SCARF1: variants seen among roughly 807,000 people sequenced by gnomAD.
The protein encoded by SCARF1 is acetyl LDL receptor.
SCARF1 carries 49 observed loss-of-function variants against 76.3 expected under a neutral mutation model. That is an observed-to-expected ratio of 0.64 (90% CI 0.51 to 0.81). The LOEUF is 0.81. SCARF1 is among the 40% of genes least tolerant of loss of function. The pLI is 0.00. For missense variants in SCARF1, 1,098 were observed against 1,143.9 expected, an observed-to-expected ratio of 0.96 and a Z score of 0.58; for synonymous variants, 495 against 474.6, an observed-to-expected ratio of 1.04 and a Z score of -0.56.
chr17:1,643,534 G>A lies in SCARF1; in HGVS notation c.699C>T (p.Ala233=), dbSNP rs1250162450. ...CGGGCGGGCAGGTGCACTCGCCGGA[G>A]GCGGCGCTGCAGCGGCCCCGCACAC... ...CECVRGRCSA[A]SGECTCPPGF... is the part of the protein sequence containing the mutation. Residue 233 remains alanine (A), a synonymous_variant, in exon 4 of 11, where the codon GCC becomes GCT. Coordinates refer to ENST00000263071, the MANE Select transcript of SCARF1 (RefSeq NM_003693.4). 2 of 1,408,818 alleles carry A rather than the reference G, an allele frequency of 1.4e-6. No individual in the cohort carries two copies. Among genetic ancestry groups the A allele is most frequent in the African/African-American group, 1.5e-5 (1 of 66,562 alleles). 87.3% of individuals were successfully genotyped at this position (1,408,818 alleles called of 1,614,324 possible).
At chr17:1,637,869 C>A (rs1019570869) in intron 8 of SCARF1, among the ~76,000 whole-genome samples, 3 of 152,208 alleles carry the variant, frequency 2.0e-5, no homozygotes, top group African/African-American at 7.2e-5. Flanking sequence ...CTTCACTGTT[C>A]CTCCAACAGC....
At position 1,640,442 on chromosome 17, in the gene SCARF1, C is replaced by T. The variant is rs1909952691; in HGVS notation, c.1010+6G>A. On this transcript the variant is annotated splice_donor_region_variant and intron_variant, in intron 5 of 10. Transcript: ENST00000263071. This position sits in a 1 kb window ranked among gnomAD's most constrained non-coding sequence, Gnocchi z 4.7. ...TACCCCACCCTGAACAGAATGGTGC[C>T]CTCACCTGGGCCCCAGCCAGCCAGG... 1 of 1,550,068 alleles carries T rather than the reference C, an allele frequency of 6.5e-7. No individual in the cohort carries two copies. The highest frequency in any genetic ancestry group is 1.4e-5 in the African/African-American group (1 of 73,152).
Position 1,634,827 on chromosome 17 carries a change from A to C in SCARF1, c.2424T>G (p.Ala808=). 6.2e-7 allele frequency: 1 copy of C among 1,613,178 alleles called. No homozygotes were observed. The part of the protein sequence containing the change: ...GSPEQDPQKQ[A]EEERQEEPEY... ...CAGGTTCCTCCTGCCTTTCCTCTTCAGCCTGCTTCTGGGGATCCTGTTCTG... is the reference window on the plus strand; with the variant it reads ...CAGGTTCCTCCTGCCTTTCCTCTTCCGCCTGCTTCTGGGGATCCTGTTCTG... The change falls in exon 11 of 11, where the codon GCT becomes GCG. Residue 808 remains alanine, a synonymous_variant. Coordinates refer to ENST00000263071, the MANE Select transcript of SCARF1 (RefSeq NM_003693.4).
At chr17:1,639,797 G>A in intron 6 of SCARF1, 55 bp from the exon 7 acceptor site, 1 of 1,604,968 alleles carries the variant, frequency 6.2e-7, no homozygotes, top group Non-Finnish European at 8.5e-7. Flanking sequence ...GGGGAGGCAG[G>A]CAGGAGACGG....
rs1019863658 is a variant in SCARF1, at chr17:1,645,104, G to A, written c.163+74C>T. The A allele has an allele frequency of 1.3e-6, 2 of 1,593,912 alleles. No homozygotes were observed. Among genetic ancestry groups the A allele is most frequent in the Non-Finnish European group, 1.7e-6 (2 of 1,164,342 alleles). On this transcript the variant is annotated intron_variant, in intron 2 of 10. Transcript: ENST00000263071. The surrounding 1 kb of genome is among the most constrained non-coding windows in gnomAD (Gnocchi z 6.3). Reference sequence around the variant, plus strand: ...GGTATCAGGAGGGGCAGGCCCCATGGGGTAGGAAGGAAGGGTTGTCACTGG... The same window carrying A: ...GGTATCAGGAGGGGCAGGCCCCATGAGGTAGGAAGGAAGGGTTGTCACTGG...
Position 1,635,409 on chromosome 17 carries a change from T to C in SCARF1, c.1842A>G (p.Arg614=). ...CCCCCCGGGAGAGCCTCTTGGGCTT[T>C]CGGAGCGGGCTGGAGAGCTCCCCTG... ...RSSGELSSPL[R]KPKRLSRGAQ... is the part of the protein sequence containing the mutation. Residue 614 remains arginine (R), a synonymous_variant, in exon 11 of 11, where the codon CGA becomes CGG. Coordinates refer to ENST00000263071, the MANE Select transcript of SCARF1 (RefSeq NM_003693.4). 1 of 1,613,934 alleles carries C rather than the reference T, an allele frequency of 6.2e-7. No individual in the cohort carries two copies.
chr17:1,640,265 G>A lies in SCARF1; in HGVS notation c.1010+183C>T, dbSNP rs367696067. The stretch of plus-strand genomic sequence containing the variant: ...GAGGGCAGGAAGCCTCAGAGGGGAG[G>A]GAGCTGGGATCCTGCCCAGGCCCCC... On this transcript the variant is annotated intron_variant, in intron 5 of 10. Transcript: ENST00000263071. The surrounding 1 kb of genome is among the most constrained non-coding windows in gnomAD (Gnocchi z 4.7). 252 of 757,648 alleles carry A rather than the reference G, an allele frequency of 3.3e-4. 1 individual carries two copies. In the East Asian group the frequency reaches 4.8e-3, roughly 15 times the overall value. 46.9% of individuals were successfully genotyped at this position (757,648 alleles called of 1,614,324 possible).
intron 4 of SCARF1, among the ~76,000 whole-genome samples, chr17:1,641,806 C>T (rs1396072908): frequency 6.6e-6 from 1 of 152,212 alleles, no homozygotes; most frequent in Admixed American, 6.5e-5. Flanking sequence ...ACTGCAACCT[C>T]CGCCTCCCGG....
Position 1,640,751 on chromosome 17 carries a change from C to T in SCARF1, c.792-85G>A, listed in dbSNP as rs1909985380. On this transcript the variant is annotated intron_variant, in intron 4 of 10. Coordinates refer to ENST00000263071, the MANE Select transcript of SCARF1 (RefSeq NM_003693.4). This position sits in a 1 kb window ranked among gnomAD's most constrained non-coding sequence, Gnocchi z 4.7. ...TCCTACCCCTGTACTCCACGCAGGC[C>T]TTCGGGGGCCCTGGAGAGTGTTCGG... The T allele has an allele frequency of 1.5e-6, 2 of 1,304,148 alleles. No homozygotes were observed. Among genetic ancestry groups the T allele is most frequent in the Admixed American group, 2.0e-5 (1 of 50,200 alleles). The allele number at this position is 1,304,148 out of a possible 1,614,324, so 80.8% of individuals were successfully genotyped here.
chr17:1,645,428 G>T lies in SCARF1; in HGVS notation c.101+169C>A. ...CCTGACCCTTCCACCATCTGCCCTG[G>T]CTGGCCACTACCTGCCAGACCGCCA... On this transcript the variant is annotated intron_variant, in intron 1 of 10. Coordinates refer to ENST00000263071, the MANE Select transcript of SCARF1 (RefSeq NM_003693.4). This position sits in a 1 kb window ranked among gnomAD's most constrained non-coding sequence, Gnocchi z 6.3. 1 of 1,474,512 alleles carries T rather than the reference G, an allele frequency of 6.8e-7. No individual in the cohort carries two copies. Among genetic ancestry groups the T allele is most frequent in the Admixed American group, 2.2e-5 (1 of 46,364 alleles). 91.3% of individuals were successfully genotyped at this position (1,474,512 alleles called of 1,614,324 possible).
At position 1,639,639 on chromosome 17, in the gene SCARF1, C is replaced by G. The variant is rs1318900532; in HGVS notation, c.1243G>C (p.Gly415Arg). The change falls in exon 7 of 11, where the codon GGC (glycine) becomes CGC (arginine). Residue 415 changes from glycine (G) to arginine (R), a missense_variant and splice_region_variant. Coordinates refer to ENST00000263071, the MANE Select transcript of SCARF1 (RefSeq NM_003693.4). ...CHPVSGSCQP[G>R]SGSRDTALIA... ...ACCCCGCAGCCTTCTTCCACCTTAC[C>G]TGGCTGGCAGGACCCAGAGACAGGG... 2 of 1,560,572 alleles carry G rather than the reference C, an allele frequency of 1.3e-6. No individual in the cohort carries two copies. Among genetic ancestry groups the G allele is most frequent in the East Asian group, 2.4e-5 (1 of 42,514 alleles).
In SCARF1 at chr17:1,635,276, C is replaced by G. The variant is rs1336023034; in HGVS notation, c.1975G>C (p.Gly659Arg). The G allele has an allele frequency of 1.2e-6, 2 of 1,611,944 alleles. No homozygotes were observed. The highest frequency in any genetic ancestry group is 2.7e-5 in the African/African-American group (2 of 74,924). The change falls in exon 11 of 11, where the codon GGC becomes CGC. Residue 659 changes from glycine (G) to arginine (R), a missense_variant. Transcript: ENST00000263071. ...AAASPGDSAT[G>R]HRRPPLGGRT... The stretch of plus-strand genomic sequence containing the variant: ...CCACCAAGTGGGGGCCGCCGGTGGC[C>G]AGTGGCTGAATCCCCGGGACTGGCA...
Position 1,640,137 on chromosome 17 carries a change from A to G in SCARF1, c.1011-97T>C. 1 of 1,440,180 alleles carries G rather than the reference A, an allele frequency of 6.9e-7. No individual in the cohort carries two copies. Among genetic ancestry groups the G allele is most frequent in the South Asian group, 1.3e-5 (1 of 78,018 alleles). 89.2% of individuals were successfully genotyped at this position (1,440,180 alleles called of 1,614,324 possible). A position where few individuals can be genotyped will look rare whatever the true frequency, so the allele number is the denominator to read the frequency against. On this transcript the variant is annotated intron_variant, in intron 5 of 10. Coordinates refer to ENST00000263071, the MANE Select transcript of SCARF1 (RefSeq NM_003693.4). The surrounding 1 kb of genome is among the most constrained non-coding windows in gnomAD (Gnocchi z 4.7). Reference sequence around the variant, plus strand: ...CCGCCCCACGCTCCTGGACTCAAGGACCCAACTGGCCACTCCTCAGCAGTG... The same window carrying G: ...CCGCCCCACGCTCCTGGACTCAAGGGCCCAACTGGCCACTCCTCAGCAGTG...
intron 8 of SCARF1, among the ~76,000 whole-genome samples, chr17:1,637,896 G>A (rs1032372179): frequency 6.6e-6 from 1 of 152,178 alleles, no homozygotes; most frequent in African/African-American, 2.4e-5. Flanking sequence ...ACCTGTCCTC[G>A]TGTCCCTGCG....
intron 6 of SCARF1, 84 bp downstream of exon 6, chr17:1,639,828 T>C (rs1909884553): frequency 3.7e-6 from 6 of 1,608,232 alleles, no homozygotes; most frequent in East Asian, 4.5e-5. Flanking sequence ...TTCTGGGCAC[T>C]GTCCAGGGAA....
Position 1,643,673 on chromosome 17 carries a change from C to T in SCARF1, c.560G>A (p.Gly187Glu). ...GACVCKPGWW[G>E]RRCSFRCNCH... ...GTTGCAGCGGAAGCTGCAGCGGCGCCCCCACCAGCCCGGCTTGCACACGCA... is the reference window on the plus strand; with the variant it reads ...GTTGCAGCGGAAGCTGCAGCGGCGCTCCCACCAGCCCGGCTTGCACACGCA... Residue 187 changes from glycine to glutamate, a missense_variant, in exon 4 of 11, where the codon GGG (glycine) becomes GAG (glutamate). By Grantham distance (98) the Gly-to-Glu change is moderately conservative. Transcript: ENST00000263071. 1 of 1,464,808 alleles carries T rather than the reference C, an allele frequency of 6.8e-7. No individual in the cohort carries two copies. The highest frequency in any genetic ancestry group is 2.5e-5 in the Admixed American group (1 of 40,342). The allele number at this position is 1,464,808 out of a possible 1,614,324, so 90.7% of individuals were successfully genotyped here. A position where few individuals can be genotyped will look rare whatever the true frequency, so the allele number is the denominator to read the frequency against.
In SCARF1 at chr17:1,635,034, T is replaced by C. The variant is rs1455687725; in HGVS notation, c.2217A>G (p.Lys739=). Residue 739 remains lysine, a synonymous_variant, in exon 11 of 11, where the codon AAA becomes AAG. Transcript: ENST00000263071. ...PKPPRQALNR[K]KGSPGLASGS... The stretch of plus-strand genomic sequence containing the variant: ...CAGAGGCAAGGCCAGGGCTGCCCTT[T>C]TTCCGATTCAGGGCCTGGCGCGGAG... The C allele has an allele frequency of 6.2e-7, 1 of 1,613,888 alleles. No homozygotes were observed.
chr17:1,643,826 C>T lies in SCARF1; in HGVS notation c.407G>A (p.Gly136Asp), dbSNP rs983469924. The T allele has an allele frequency of 9.5e-6, 12 of 1,269,250 alleles. No homozygotes were observed. The highest frequency in any genetic ancestry group is 1.2e-5 in the Non-Finnish European group (12 of 1,010,776). The allele number at this position is 1,269,250 out of a possible 1,614,324, so 78.6% of individuals were successfully genotyped here. The change falls in exon 4 of 11, where the codon GGC becomes GAC. Residue 136 changes from glycine to aspartate, a missense_variant. Transcript: ENST00000263071. ...GARCEFPCAC[G>D]PHGRCDPATG... ...CGCGGGGTCGCAGCGCCCGTGGGGGCCGCAGGCGCACGGGAACTCGCAGCG... is the reference window on the plus strand; with the variant it reads ...CGCGGGGTCGCAGCGCCCGTGGGGGTCGCAGGCGCACGGGAACTCGCAGCG...
At chr17:1,639,509 G>GAA (rs34632795) in intron 7 of SCARF1, 130 bp downstream of exon 7, 266 of 566,520 alleles carry the variant, frequency 4.7e-4, no homozygotes, top group African/African-American at 5.3e-4. Flanking sequence ...CGTCTTAAGG[G>GAA]AAAAAAAAAA....
Sources: allele counts gnomAD v4.1 joint callset (sites outside exome capture counted in the v4.1 genomes callset), GRCh38; gene constraint gnomAD v4.1.1; non-coding constraint Gnocchi (gnomAD v3.1); transcripts MANE v1.5; gene names NCBI Gene and HGNC (gene_info 2026-07-23, HGNC 2026-07-21).